The following PTPRS variants were observed in gnomAD, a reference collection of about 807,000 sequenced individuals.
PTPRS encodes receptor-type tyrosine-protein phosphatase S.
Under a neutral mutation model 215.3 loss-of-function variants are expected in PTPRS, and 63 were observed. The ratio of observed to expected loss-of-function variants is 0.29; its 90% CI spans 0.24 to 0.36. PTPRS has a LOEUF of 0.36. Ranked by LOEUF, PTPRS falls within the 10% of genes least tolerant of loss-of-function variation. The pLI is 1.00. For synonymous variants in PTPRS, 1,404 were observed against 1,191.4 expected, an observed-to-expected ratio of 1.18 and a Z score of -3.68; for missense variants, 2,258 against 2,825.8, an observed-to-expected ratio of 0.80 and a Z score of 4.56.
chr19:5,214,324 C>G, intron 30 of PTPRS, 37 bp downstream of exon 30: 1 of 1,613,614 alleles, frequency 6.2e-7, no homozygotes, highest in South Asian at 1.1e-5. Flanking sequence ...CAACACATTC[C>G]TCCACCCTCA....
chr19:5,312,599 G>A lies in PTPRS; in HGVS notation c.-94-26365C>T, dbSNP rs111941171. On this transcript the variant is annotated intron_variant, in intron 1 of 37. Transcript: ENST00000262963. ...CTGCTTGAGCCTAGGAGATGGAGGC[G>A]GCAGTGAGCTATGATCACACCACTG... is the stretch of plus-strand genomic sequence containing the variant. Among the ~76,000 whole-genome samples the A allele has an allele frequency of 1.4e-3, 219 of 152,178 alleles. 1 individual carries two copies. The highest frequency in any genetic ancestry group is 4.8e-3 in the African/African-American group (200 of 41,524).
intron 4 of PTPRS, among the ~76,000 whole-genome samples, chr19:5,270,502 G>A (rs1295382564): frequency 6.6e-6 from 1 of 152,078 alleles, no homozygotes; most frequent in Non-Finnish European, 1.5e-5. Context: ...GTGAGGCATG[G>A]GGTCTCTATG....
In PTPRS at chr19:5,243,192, T is replaced by C. The variant is rs570756217; in HGVS notation, c.1570+709A>G. Among the ~76,000 whole-genome samples, 9 of 151,392 alleles carry C rather than the reference T, an allele frequency of 5.9e-5. No individual in the cohort carries two copies. In the South Asian group the frequency reaches 1.3e-3, roughly 21 times the overall value. On this transcript the variant is annotated intron_variant, in intron 11 of 37. Coordinates refer to ENST00000262963, the MANE Select transcript of PTPRS (RefSeq NM_002850.4). ...CACTTGTCGCCCAGGCTGGATGCAA[T>C]GGTGCGATCTTGGCTCATTGCAAAC...
chr19:5,225,645 G>A (rs1271752657), intron 17 of PTPRS, 82 bp downstream of exon 17: 1 of 1,214,518 alleles, frequency 8.2e-7, no homozygotes, highest in African/African-American at 1.5e-5. Context: ...GCCCTTGTGA[G>A]CTCAAGGACT....
intron 2 of PTPRS, among the ~76,000 whole-genome samples, chr19:5,281,628 C>T (rs1323775689): frequency 1.5e-4 from 23 of 152,192 alleles, no homozygotes; most frequent in Admixed American, 1.5e-3. Flanking sequence ...GGGGCTGCCC[C>T]CTCCTTCTGG....
chr19:5,263,070 G>T, intron 5 of PTPRS, 98 bp from the exon 6 acceptor site: 1 of 539,862 alleles, frequency 1.9e-6, no homozygotes, highest in Non-Finnish European at 3.5e-6. Flanking sequence ...GAGGGCGGGG[G>T]AGGGGAGGGG....
intron 1 of PTPRS, among the ~76,000 whole-genome samples, chr19:5,286,632 C>A (rs2048374178): frequency 6.6e-6 from 1 of 152,168 alleles, no homozygotes; most frequent in African/African-American, 2.4e-5. Context: ...AGATAGCCCT[C>A]ACCAGACACC....
In PTPRS at chr19:5,221,264, G is replaced by A; in HGVS notation, c.3202-11C>T. 8 of 1,606,862 alleles carry A rather than the reference G, an allele frequency of 5.0e-6. No homozygotes were observed. Among genetic ancestry groups the A allele is most frequent in the Non-Finnish European group, 6.0e-6 (7 of 1,175,512 alleles). The stretch of plus-strand genomic sequence containing the variant: ...CCCATTGTACTGGATCTGCGGACCA[G>A]GGCTAGCTCAGCAGGGCCTGGTGGG... On this transcript the variant is annotated splice_polypyrimidine_tract_variant and intron_variant, in intron 19 of 37. Transcript: ENST00000262963.
chr19:5,334,946 G>A (rs1177944514), intron 1 of PTPRS, among the ~76,000 whole-genome samples: 3 of 152,268 alleles, frequency 2.0e-5, no homozygotes, highest in East Asian at 1.9e-4. Context: ...CTAAATAGTC[G>A]GAGCAGCTGT....
At chr19:5,298,075 T>C (rs1366378973) in intron 1 of PTPRS, among the ~76,000 whole-genome samples, 2 of 152,114 alleles carry the variant, frequency 1.3e-5, no homozygotes, top group African/African-American at 4.8e-5. Context: ...ATTACAGGCG[T>C]GAGCCACAGC....
intron 1 of PTPRS, among the ~76,000 whole-genome samples, chr19:5,331,889 G>A (rs1017629721): frequency 6.6e-6 from 1 of 152,190 alleles, no homozygotes; most frequent in Non-Finnish European, 1.5e-5. Flanking sequence ...GCTGGCCCAG[G>A]CCCTGTTCTC....
intron 9 of PTPRS, among the ~76,000 whole-genome samples, chr19:5,249,908 T>C (rs189480328): frequency 6.6e-6 from 1 of 152,366 alleles, no homozygotes; most frequent in East Asian, 1.9e-4. Context: ...TCCTGTTTGA[T>C]CTTATCTTAA....
At position 5,243,894 on chromosome 19, in the gene PTPRS, G is replaced by A. The variant is rs548446709; in HGVS notation, c.1570+7C>T. The A allele has an allele frequency of 2.7e-6, 4 of 1,482,848 alleles. No homozygotes were observed. The highest frequency in any genetic ancestry group is 1.3e-5 in the South Asian group (1 of 74,252). 91.9% of individuals were successfully genotyped at this position (1,482,848 alleles called of 1,614,324 possible). ...GGGCCCCGAGTCCTGCCGACCCCACGCCTCACCTCCCTGCTGCGTCTTGAC... is the reference window on the plus strand; with the variant it reads ...GGGCCCCGAGTCCTGCCGACCCCACACCTCACCTCCCTGCTGCGTCTTGAC... On this transcript the variant is annotated splice_region_variant and intron_variant, in intron 11 of 37. Coordinates refer to ENST00000262963, the MANE Select transcript of PTPRS (RefSeq NM_002850.4).
At chr19:5,335,189 C>T (rs1018760032) in intron 1 of PTPRS, among the ~76,000 whole-genome samples, 3 of 152,214 alleles carry the variant, frequency 2.0e-5, no homozygotes, top group African/African-American at 4.8e-5. Context: ...CTCCGCCCGC[C>T]GGATACCCCT....
chr19:5,239,166 A>T, intron 12 of PTPRS, 103 bp from the exon 13 acceptor site: 1 of 357,078 alleles, frequency 2.8e-6, no homozygotes, highest in Non-Finnish European at 4.8e-6. Flanking sequence ...GGGGAGGGGG[A>T]GAGAGAGAGA....
At chr19:5,325,685 C>T (rs1156615512) in intron 1 of PTPRS, among the ~76,000 whole-genome samples, 1 of 152,264 alleles carries the variant, frequency 6.6e-6, no homozygotes, top group Non-Finnish European at 1.5e-5. Context: ...GGGGCTGAGC[C>T]ACCAAGCACC....
intron 2 of PTPRS, chr19:5,278,182 CCA>C: frequency 4.2e-4 from 22 of 52,530 alleles, no homozygotes; most frequent in Non-Finnish European, 6.2e-4. Flanking sequence ...GTAGAAACTG[CCA>C]AAAAAAAAAA....
At chr19:5,274,638 G>C (rs1455469135) in intron 2 of PTPRS, among the ~76,000 whole-genome samples, 1 of 43,348 alleles carries the variant, frequency 2.3e-5, no homozygotes, top group African/African-American at 8.7e-5. Context: ...AGACACAGTG[G>C]ATACAACCTC....
At chr19:5,259,100 T>A (rs985104600) in intron 7 of PTPRS, among the ~76,000 whole-genome samples, 1 of 152,174 alleles carries the variant, frequency 6.6e-6, no homozygotes, top group African/African-American at 2.4e-5. Flanking sequence ...ACAAGTAAAG[T>A]TGAGGCTAAA....
Sources: allele counts gnomAD v4.1 joint callset (sites outside exome capture counted in the v4.1 genomes callset), GRCh38; gene constraint gnomAD v4.1.1; transcripts MANE v1.5; gene names NCBI Gene and HGNC (gene_info 2026-07-23, HGNC 2026-07-21).